Variants in FHIT observed in about 807,000 individuals in gnomAD.
FHIT encodes fragile histidine triad diadenosine triphosphatase, also known as bis(5'-adenosyl)-triphosphatase.
Under a neutral mutation model 17.9 loss-of-function variants are expected in FHIT, and 19 were observed. The observed-to-expected ratio is 1.06, with a 90% confidence interval of 0.74 to 1.56. FHIT has a LOEUF of 1.56. Ranked by LOEUF, FHIT falls within the 40% of genes most tolerant of loss-of-function variation. FHIT has a pLI of 0.00. For synonymous variants in FHIT, 81 were observed against 69.7 expected (o/e 1.16, Z -0.81); for missense variants, 248 against 189.2 (o/e 1.31, Z -1.82).
chr3:60,232,575 T>C (rs1245170418), intron 5 of FHIT, among the ~76,000 whole-genome samples: 1 of 152,174 alleles, frequency 6.6e-6, no homozygotes, highest in Non-Finnish European at 1.5e-5. Context: ...CCTCCTCAAG[T>C]CTTCTCCATC....
At chr3:60,007,344 G>A (rs1699964470) in intron 7 of FHIT, among the ~76,000 whole-genome samples, 1 of 152,126 alleles carries the variant, frequency 6.6e-6, no homozygotes. Flanking sequence ...AGTAACACCT[G>A]GAATATAGAA....
At chr3:60,224,969 C>T (rs1414122523) in intron 5 of FHIT, among the ~76,000 whole-genome samples, 1 of 152,012 alleles carries the variant, frequency 6.6e-6, no homozygotes, top group Non-Finnish European at 1.5e-5. Context: ...GATCTGTTTG[C>T]CTAGGCCTCC....
intron 8 of FHIT, among the ~76,000 whole-genome samples, chr3:59,827,077 T>G (rs1701003800): frequency 6.6e-6 from 1 of 152,186 alleles, no homozygotes; most frequent in African/African-American, 2.4e-5. Context: ...CAATATTTAC[T>G]AAGAGCTTTT....
At chr3:60,639,056 G>T (rs556039464) in intron 4 of FHIT, among the ~76,000 whole-genome samples, 3 of 146,426 alleles carry the variant, frequency 2.0e-5, no homozygotes, top group Non-Finnish European at 4.5e-5. Context: ...ACCAAGGCAT[G>T]CAAGATTCAA....
In FHIT at chr3:60,162,551, T is replaced by C. The variant is rs145370418; in HGVS notation, c.104-148399A>G. Among the ~76,000 whole-genome samples the C allele has an allele frequency of 3.9e-3, 595 of 152,326 alleles. 4 individuals carry two copies. The highest frequency in any genetic ancestry group is 0.014 in the African/African-American group (570 of 41,588). On this transcript the variant is annotated intron_variant, in intron 5 of 9. Transcript: ENST00000492590. ...GGGGCATCTGGTTTTCTTCTGATAG[T>C]GCTATTTGTTAAATATTCTGTATTA...
At chr3:60,855,929 C>T (rs1703361150) in intron 3 of FHIT, among the ~76,000 whole-genome samples, 1 of 152,130 alleles carries the variant, frequency 6.6e-6, no homozygotes, top group African/African-American at 2.4e-5. Context: ...ACCTTGTAAA[C>T]ACCCATGTTA....
rs975024015 is a variant in FHIT, at chr3:60,464,119, G to C, written c.103+72741C>G. Among the ~76,000 whole-genome samples, 3 of 152,060 alleles carry C rather than the reference G, an allele frequency of 2.0e-5. No individual in the cohort carries two copies. The South Asian group carries it at 6.2e-4, about 32-fold the overall frequency. ...GTAAAACCACCATAGCAACACTATGGCAGAACTGAGTTCACTAAAAGATCT... is the reference window on the plus strand; with the variant it reads ...GTAAAACCACCATAGCAACACTATGCCAGAACTGAGTTCACTAAAAGATCT... On this transcript the variant is annotated intron_variant, in intron 5 of 9. Coordinates refer to ENST00000492590, the MANE Select transcript of FHIT (RefSeq NM_002012.4).
chr3:61,044,232 T>C (rs4688194), intron 2 of FHIT, among the ~76,000 whole-genome samples: 90,311 of 151,868 alleles, frequency 0.59, 29,169 homozygotes, highest in East Asian at 0.86. Context: ...CTAAAAACCT[T>C]GAAAAAAGAT....
At chr3:61,072,458 C>T (rs2034836485) in intron 2 of FHIT, among the ~76,000 whole-genome samples, 1 of 152,138 alleles carries the variant, frequency 6.6e-6, no homozygotes, top group Admixed American at 6.6e-5. Flanking sequence ...AAGTTTTCTT[C>T]ACATTTAAGA....
chr3:59,827,007 A>C (rs78592437), intron 8 of FHIT, among the ~76,000 whole-genome samples: 95 of 152,342 alleles, frequency 6.2e-4, no homozygotes, highest in African/African-American at 2.2e-3. Context: ...AGTGATATTT[A>C]ATGGTAAAAC....
At chr3:60,198,396 A>G (rs965005384) in intron 5 of FHIT, among the ~76,000 whole-genome samples, 1 of 152,224 alleles carries the variant, frequency 6.6e-6, no homozygotes, top group Admixed American at 6.5e-5. Flanking sequence ...GTGATTACAG[A>G]GTAAATTAAA....
intron 5 of FHIT, among the ~76,000 whole-genome samples, chr3:60,256,825 A>G (rs1428246661): frequency 2.0e-5 from 3 of 152,088 alleles, no homozygotes; most frequent in Admixed American, 6.6e-5. Flanking sequence ...CTTCAACACA[A>G]ATTTCCACAC....
At chr3:60,257,338 C>A (rs535867111) in intron 5 of FHIT, among the ~76,000 whole-genome samples, 7 of 152,262 alleles carry the variant, frequency 4.6e-5, no homozygotes, top group African/African-American at 1.7e-4. Flanking sequence ...AAACGTTACC[C>A]TGGAATTCAA....
intron 1 of FHIT, among the ~76,000 whole-genome samples, chr3:61,211,558 G>C (rs1023556808): frequency 1.3e-5 from 2 of 152,328 alleles, no homozygotes; most frequent in East Asian, 1.9e-4. Flanking sequence ...GCCTCTGTGG[G>C]CTCCACCTCT....
intron 5 of FHIT, among the ~76,000 whole-genome samples, chr3:60,289,833 T>TA (rs11432014): frequency 1 from 152,296 of 152,300 alleles, 76,146 homozygotes; most frequent in Middle Eastern, 1. Flanking sequence ...ACGGAACCAT[T>TA]CAGCAGATAT....
chr3:60,968,470 T>A (rs1462145814), intron 3 of FHIT, among the ~76,000 whole-genome samples: 1 of 150,372 alleles, frequency 6.7e-6, no homozygotes, highest in Non-Finnish European at 1.5e-5. Flanking sequence ...CAGGCTGGAG[T>A]GCAGTGGCAT....
intron 5 of FHIT, among the ~76,000 whole-genome samples, chr3:60,071,134 G>A (rs1702751152): frequency 6.6e-6 from 1 of 152,056 alleles, no homozygotes; most frequent in Admixed American, 6.6e-5. Flanking sequence ...TGTATCAATA[G>A]AGTAGAGCCA....
intron 5 of FHIT, among the ~76,000 whole-genome samples, chr3:60,357,632 C>A (rs1031177334): frequency 2.6e-5 from 4 of 152,146 alleles, no homozygotes; most frequent in Non-Finnish European, 4.4e-5. Flanking sequence ...TTGACATCAA[C>A]CCTAACTCAA....
intron 5 of FHIT, among the ~76,000 whole-genome samples, chr3:60,229,872 C>A (rs1252049909): frequency 6.6e-6 from 1 of 152,162 alleles, no homozygotes; most frequent in Non-Finnish European, 1.5e-5. Flanking sequence ...ATCCCAGCTT[C>A]TCAAGAGGCT....
Sources: allele counts gnomAD v4.1 joint callset (sites outside exome capture counted in the v4.1 genomes callset), GRCh38; gene constraint gnomAD v4.1.1; transcripts MANE v1.5; gene names NCBI Gene and HGNC (gene_info 2026-07-23, HGNC 2026-07-21).